Variants in RGS5 observed in about 807,000 individuals in gnomAD.
RGS5 encodes regulator of G-protein signalling 5.
RGS5 carries 20 observed loss-of-function variants against 18.9 expected under a neutral mutation model. That is an observed-to-expected ratio of 1.06 (90% confidence interval 0.74 to 1.54). RGS5 has a LOEUF of 1.54. RGS5 is among the 40% of genes most tolerant of loss of function. RGS5 has a pLI of 0.00. For synonymous variants in RGS5, 57 were observed against 76.2 expected (o/e 0.75, Z 1.31); for missense variants, 201 against 211.8 (o/e 0.95, Z 0.32).
upstream of RGS5, among the ~76,000 whole-genome samples, chr1:163,221,510 A>G (rs1647227555): frequency 6.8e-6 from 1 of 147,034 alleles, no homozygotes; most frequent in Non-Finnish European, 1.5e-5. Context: ...CAATCAATCA[A>G]TCAATCAATC....
chr1:163,246,094 G>T (rs1033679228), intron 2 of RGS5, among the ~76,000 whole-genome samples: 11 of 151,974 alleles, frequency 7.2e-5, no homozygotes, highest in Non-Finnish European at 1.6e-4. Flanking sequence ...GCGGGCACCT[G>T]CAGTCCCAGC....
chr1:163,195,202 G>C (rs997352837), intron 1 of RGS5, among the ~76,000 whole-genome samples: 13 of 152,180 alleles, frequency 8.5e-5, no homozygotes, highest in African/African-American at 3.1e-4. Context: ...ATCGACCAGT[G>C]AGTGAGTGGA....
intron 2 of RGS5, among the ~76,000 whole-genome samples, chr1:163,251,808 T>C (rs1382225822): frequency 6.6e-6 from 1 of 152,192 alleles, no homozygotes; most frequent in Non-Finnish European, 1.5e-5. Flanking sequence ...TCACTCAGCA[T>C]AATTCCTTTG....
chr1:163,234,204 G>T (rs1047705976), intron 2 of RGS5, among the ~76,000 whole-genome samples: 1 of 152,150 alleles, frequency 6.6e-6, no homozygotes, highest in Non-Finnish European at 1.5e-5. Flanking sequence ...AATTTTTATA[G>T]ATGTTCTTTA....
chr1:163,199,530 T>C (rs1027329749), intron 1 of RGS5, among the ~76,000 whole-genome samples: 1 of 152,134 alleles, frequency 6.6e-6, no homozygotes, highest in African/African-American at 2.4e-5. Context: ...ATTATATATA[T>C]TCCACCCTTT....
chr1:163,172,366 T>C (rs1368853611), intron 1 of RGS5, among the ~76,000 whole-genome samples: 2 of 152,234 alleles, frequency 1.3e-5, no homozygotes, highest in African/African-American at 4.8e-5. Flanking sequence ...ACACCATTTA[T>C]AAATGGTAGT....
intron 2 of RGS5, chr1:163,260,684 AAT>A (rs1648411770): frequency 1.3e-5 from 2 of 150,492 alleles, no homozygotes; most frequent in African/African-American, 4.9e-5. Context: ...AAAAAAAAAC[AAT>A]ATTAGTGAAC....
intron 4 of RGS5, among the ~76,000 whole-genome samples, chr1:163,149,235 T>G (rs1052628214): frequency 6.6e-6 from 1 of 152,186 alleles, no homozygotes; most frequent in Non-Finnish European, 1.5e-5. Context: ...AGAGGTCAGG[T>G]TACATGCCCA....
chr1:163,156,235 G>A (rs1419671980), intron 3 of RGS5, among the ~76,000 whole-genome samples: 1 of 152,116 alleles, frequency 6.6e-6, no homozygotes, highest in Non-Finnish European at 1.5e-5. Context: ...TGCATCATCT[G>A]TTCAATGGAG....
At chr1:163,268,093 T>C (rs137928268) in intron 2 of RGS5, among the ~76,000 whole-genome samples, 16 of 152,224 alleles carry the variant, frequency 1.1e-4, no homozygotes, top group Non-Finnish European at 1.8e-4. Flanking sequence ...TCAAACATTT[T>C]ATCTGGTCAG....
At position 163,229,681 on chromosome 1, in the gene RGS5, G is replaced by A. The variant is rs72695930; in HGVS notation, c.-280-61313C>T. Reference sequence around the variant, plus strand: ...CCATTTCCCTGGAATGCTCTCCTCAGATAGCTACATGGCTGTCTCTCTCAC... The same window carrying A: ...CCATTTCCCTGGAATGCTCTCCTCAAATAGCTACATGGCTGTCTCTCTCAC... On this transcript the variant is annotated intron_variant, in intron 2 of 5. Transcript: ENST00000618415. 7.6e-4 allele frequency among the ~76,000 whole-genome samples: 116 copies of A among 152,304 alleles called. No homozygotes were observed. The Middle Eastern group carries it at 0.02, about 27-fold the overall frequency.
Position 163,202,889 on chromosome 1 carries a change from C to T in RGS5, c.-54G>A. The T allele has an allele frequency of 1.3e-6, 2 of 1,569,128 alleles. No individual in the cohort carries two copies. The highest frequency in any genetic ancestry group is 4.5e-5 in the East Asian group (2 of 44,590). On this transcript the variant is annotated 5_prime_UTR_variant, in exon 1 of 5. Coordinates refer to ENST00000313961, the MANE Select transcript of RGS5 (RefSeq NM_003617.4). ...TAAGTACAACTTCTTAACAGCAGAG[C>T]CAGTCTTTGAAAACTTCAAAACTGT...
chr1:163,200,692 T>C (rs1297133493), intron 1 of RGS5, among the ~76,000 whole-genome samples: 2 of 152,140 alleles, frequency 1.3e-5, no homozygotes, highest in East Asian at 3.9e-4. Context: ...GAACAGATTA[T>C]GAAACAATAT....
chr1:163,291,284 G>C (rs1344570887), intron 2 of RGS5, among the ~76,000 whole-genome samples: 1 of 152,124 alleles, frequency 6.6e-6, no homozygotes, highest in African/African-American at 2.4e-5. Context: ...GGCGGGCAGG[G>C]GGGTATCTAT....
At chr1:163,313,127 C>T (rs1376636952) in intron 1 of RGS5, among the ~76,000 whole-genome samples, 1 of 152,082 alleles carries the variant, frequency 6.6e-6, no homozygotes, top group African/African-American at 2.4e-5. Context: ...AGTTCAATAT[C>T]AATTGGGGTA....
intron 1 of RGS5, among the ~76,000 whole-genome samples, chr1:163,181,603 A>C (rs1029578788): frequency 6.6e-6 from 1 of 152,194 alleles, no homozygotes; most frequent in African/African-American, 2.4e-5. Flanking sequence ...CAAGTTATGG[A>C]TAGCACGTTT....
intron 1 of RGS5, among the ~76,000 whole-genome samples, chr1:163,168,603 T>C (rs187432683): frequency 4.6e-5 from 7 of 152,298 alleles, no homozygotes; most frequent in African/African-American, 1.7e-4. Context: ...TAATCCTCAT[T>C]ATTGTTTTAT....
chr1:163,161,225 G>T (rs1033664820), intron 3 of RGS5, among the ~76,000 whole-genome samples: 9 of 152,198 alleles, frequency 5.9e-5, no homozygotes, highest in African/African-American at 1.9e-4. Context: ...TTTGCCTGCA[G>T]ACCGGCCATA....
intron 2 of RGS5, among the ~76,000 whole-genome samples, chr1:163,228,186 A>C (rs1647384114): frequency 6.6e-6 from 1 of 152,154 alleles, no homozygotes; most frequent in Admixed American, 6.5e-5. Flanking sequence ...GCAACCCTGC[A>C]TTTCCCATCC....
Sources: gnomAD v4.1 joint callset for allele counts (sites outside exome capture counted in the v4.1 genomes callset) on GRCh38, gnomAD v4.1.1 for gene constraint, MANE v1.5 for transcripts, NCBI Gene and HGNC (gene_info 2026-07-23, HGNC 2026-07-21) for gene names.